Variants in FAAH2 observed in about 807,000 individuals in gnomAD.
The protein encoded by FAAH2 is fatty-acid amide hydrolase 2.
Under a neutral mutation model 36.9 loss-of-function variants are expected in FAAH2, and 60 were observed. The observed-to-expected ratio is 1.63, with a 90% CI of 1.32 to 2.02. The LOEUF (loss-of-function observed/expected upper bound fraction) is 2.02. Among genes scored for constraint, FAAH2 ranks in the 30% most tolerant of loss-of-function variants. FAAH2 has a pLI of 0.00. For missense variants in FAAH2, 689 were observed against 397.5 expected (o/e 1.73, Z -6.23); for synonymous variants, 214 against 143.8 (o/e 1.49, Z -3.49).
At chrX:57,395,536 T>C (rs945189259) in intron 7 of FAAH2, 2 of 313,751 alleles carry the variant, frequency 6.4e-6, no homozygotes, top group Admixed American at 5.1e-5. Context: ...ATGGCTTTTA[T>C]TAATTTGAGG....
chrX:57,255,831 C>T, the FAAH2 span, among the ~76,000 whole-genome samples: 1 of 111,629 alleles, frequency 9.0e-6, no homozygotes, highest in Admixed American at 9.5e-5. Flanking sequence ...ATCAAATGGG[C>T]AAAAACTGGA....
chrX:57,283,562 C>T (rs1194388250), upstream of FAAH2, among the ~76,000 whole-genome samples: 2 of 111,346 alleles, frequency 1.8e-5, no homozygotes, highest in East Asian at 5.7e-4. Context: ...CCTCTGGGAG[C>T]CCCTCCCCCA....
chrX:57,403,032 G>A (rs1474548495), intron 7 of FAAH2, among the ~76,000 whole-genome samples: 1 of 111,913 alleles, frequency 8.9e-6, no homozygotes, highest in Non-Finnish European at 1.9e-5. Context: ...CCTAACCCTT[G>A]TAAAACATCA....
intron 8 of FAAH2, among the ~76,000 whole-genome samples, chrX:57,439,622 A>G (rs2056502336): frequency 9.0e-6 from 1 of 111,306 alleles, no homozygotes; most frequent in African/African-American, 3.3e-5. Flanking sequence ...GCCATTTGTC[A>G]TTTTTGGCTT....
chrX:57,325,684 TG>T (rs1473137885), intron 3 of FAAH2, among the ~76,000 whole-genome samples: 2 of 83,350 alleles, frequency 2.4e-5, no homozygotes, highest in Admixed American at 1.4e-4. Context: ...AGTGGTGACA[TG>T]CCCTTTGTCA....
chrX:57,220,442 CA>C, the FAAH2 span, among the ~76,000 whole-genome samples: 4 of 111,297 alleles, frequency 3.6e-5, no homozygotes, highest in African/African-American at 1.3e-4. Flanking sequence ...TTCAAACCCT[CA>C]GAAGGAATCA....
intron 7 of FAAH2, among the ~76,000 whole-genome samples, chrX:57,414,897 A>G (rs1423748407): frequency 1.0e-5 from 1 of 95,732 alleles, no homozygotes; most frequent in East Asian, 3.2e-4. Flanking sequence ...TTACTGCCTC[A>G]ATTTCAGCAA....
the FAAH2 span, among the ~76,000 whole-genome samples, chrX:57,219,563 G>C: frequency 2.0e-4 from 22 of 112,348 alleles, no homozygotes; most frequent in Non-Finnish European, 3.9e-4. Context: ...CCCCAACATT[G>C]GTCCAAGAAG....
the FAAH2 span, among the ~76,000 whole-genome samples, chrX:57,179,529 G>A: frequency 8.9e-6 from 1 of 112,070 alleles, no homozygotes. Context: ...ACAACAAACA[G>A]CATTCCATAA....
intron 2 of FAAH2, among the ~76,000 whole-genome samples, chrX:57,304,667 G>C (rs1005423022): frequency 8.9e-6 from 1 of 111,969 alleles, no homozygotes; most frequent in African/African-American, 3.2e-5. Flanking sequence ...AATAAAGAGA[G>C]TTGCCTGAAA....
At chrX:57,141,133 G>GT in the FAAH2 span, among the ~76,000 whole-genome samples, 2 of 111,345 alleles carry the variant, frequency 1.8e-5, no homozygotes, top group African/African-American at 3.3e-5. Flanking sequence ...TTTGTTGAGA[G>GT]TTTTTTTCAT....
At chrX:57,366,478 G>A (rs1171305813) in intron 5 of FAAH2, among the ~76,000 whole-genome samples, 1 of 112,411 alleles carries the variant, frequency 8.9e-6, no homozygotes, top group African/African-American at 3.2e-5. Flanking sequence ...GCTAGCAAAG[G>A]TACTCCAGTG....
intron 5 of FAAH2, among the ~76,000 whole-genome samples, chrX:57,366,001 T>C (rs1240436972): frequency 8.9e-6 from 1 of 112,332 alleles, no homozygotes; most frequent in South Asian, 3.7e-4. Flanking sequence ...GTTGATGAGC[T>C]TCCTTGCTGT....
At chrX:57,215,068 G>C in the FAAH2 span, among the ~76,000 whole-genome samples, 1 of 106,723 alleles carries the variant, frequency 9.4e-6, no homozygotes, top group Admixed American at 1.0e-4. Flanking sequence ...CATCTGGCAG[G>C]GGTCTAATAT....
chrX:57,392,041 A>G (rs1276422948), intron 7 of FAAH2, among the ~76,000 whole-genome samples: 1 of 111,250 alleles, frequency 9.0e-6, no homozygotes, highest in South Asian at 3.7e-4. Flanking sequence ...TTGGTTAAAC[A>G]TATTTCTAGT....
In FAAH2 at chrX:57,368,785, G is replaced by A. The variant is rs138673195; in HGVS notation, c.743-9866G>A. Reference sequence around the variant, plus strand: ...GATAACCATTCCACCTTATGCATGGGTATTAATATAGGGACACAAGACACA... The same window carrying A: ...GATAACCATTCCACCTTATGCATGGATATTAATATAGGGACACAAGACACA... On this transcript the variant is annotated intron_variant, in intron 5 of 10. Transcript: ENST00000374900. Among the ~76,000 whole-genome samples, 285 of 111,002 alleles carry A rather than the reference G, an allele frequency of 2.6e-3. 3 individuals carry two copies. Among genetic ancestry groups the A allele is most frequent in the African/African-American group, 8.9e-3 (272 of 30,532 alleles).
At chrX:57,333,470 T>C (rs1470372640) in intron 4 of FAAH2, among the ~76,000 whole-genome samples, 1 of 111,666 alleles carries the variant, frequency 9.0e-6, no homozygotes, top group Non-Finnish European at 1.9e-5. Context: ...ATTATCAGAC[T>C]GAGAATTGAA....
At chrX:57,461,380 T>G (rs181934741) in intron 10 of FAAH2, among the ~76,000 whole-genome samples, 1 of 111,548 alleles carries the variant, frequency 9.0e-6, no homozygotes, top group African/African-American at 3.3e-5. Context: ...GCACTTATTC[T>G]AAAATTGACC....
intron 3 of FAAH2, among the ~76,000 whole-genome samples, chrX:57,328,312 C>A (rs975093613): frequency 1.3e-4 from 14 of 111,927 alleles, no homozygotes; most frequent in African/African-American, 4.5e-4. Context: ...GGCAGTCTGT[C>A]CATTCTCAGA....
Sources: allele counts gnomAD v4.1 joint callset (sites outside exome capture counted in the v4.1 genomes callset), GRCh38; gene constraint gnomAD v4.1.1; transcripts MANE v1.5; gene names NCBI Gene and HGNC (gene_info 2026-07-23, HGNC 2026-07-21).